Variants in BABAM2 observed in about 807,000 individuals in gnomAD.
BABAM2 encodes BRISC and BRCA1-A complex member 2.
BABAM2 carries 31 observed loss-of-function variants against 54.7 expected under a neutral mutation model. The ratio of observed to expected loss-of-function variants is 0.57; its 90% confidence interval spans 0.43 to 0.77. BABAM2 has a LOEUF of 0.77. BABAM2 is among the 30% of genes least tolerant of loss of function. The probability of loss-of-function intolerance (pLI) is 0.00; values close to 1 mark genes in which losing one functional copy is unlikely to be tolerated. For synonymous variants in BABAM2, 167 were observed against 162.9 expected, an observed-to-expected ratio of 1.03 and a Z score of -0.19; for missense variants, 364 against 455.8, an observed-to-expected ratio of 0.80 and a Z score of 1.83.
Position 28,221,769 on chromosome 2 carries a change from C to T in BABAM2, c.681-15433C>T, listed in dbSNP as rs185360039. ...TCTCCAGTGTTTGTCTTCAGTCCTT[C>T]GCCTGCCTAGGAGGCAGAAGTCACT... On this transcript the variant is annotated intron_variant, in intron 7 of 11. Coordinates refer to ENST00000379624, the MANE Select transcript of BABAM2 (RefSeq NM_199191.3). Among the ~76,000 whole-genome samples the T allele has an allele frequency of 4.4e-3, 667 of 152,302 alleles. 2 individuals carry two copies. Among genetic ancestry groups the T allele is most frequent in the South Asian group, 0.01 (50 of 4,820 alleles).
At chr2:28,170,321 A>G (rs963860535) in intron 7 of BABAM2, among the ~76,000 whole-genome samples, 16 of 151,992 alleles carry the variant, frequency 1.1e-4, no homozygotes, top group African/African-American at 3.9e-4. Context: ...GTGATTATGT[A>G]TTGTTTTAAT....
chr2:27,928,939 T>G (rs1480520105), intron 2 of BABAM2, among the ~76,000 whole-genome samples: 4 of 145,780 alleles, frequency 2.7e-5, no homozygotes, highest in Admixed American at 6.9e-5. Flanking sequence ...CCAGGCCAGG[T>G]GCAGTGGCTC....
intron 3 of BABAM2, among the ~76,000 whole-genome samples, chr2:27,932,660 A>G (rs1463783936): frequency 6.6e-6 from 1 of 152,116 alleles, no homozygotes; most frequent in Non-Finnish European, 1.5e-5. Flanking sequence ...TGTCATTTTC[A>G]GGGGGTACGT....
rs1273149695 is a variant in BABAM2, at chr2:27,893,983, ACT to A, written c.-24-547_-24-546del. 1.3e-3 allele frequency among the ~76,000 whole-genome samples: 183 copies of A among 139,108 alleles called. 1 individual carries two copies. Among genetic ancestry groups the A allele is most frequent in the African/African-American group, 4.6e-3 (163 of 35,530 alleles). The allele number at this position is 139,108 out of a possible 152,430, so 91.3% of individuals were successfully genotyped here. A position where few individuals can be genotyped will look rare whatever the true frequency, so the allele number is the denominator to read the frequency against. ...CACTCCAGCCTGGCAACAGAGTGAGACTCTGTCGCAAAAAAAAAAGAAAAAAA... is the reference window on the plus strand; with the variant it reads ...CACTCCAGCCTGGCAACAGAGTGAGACTGTCGCAAAAAAAAAAGAAAAAAA... On this transcript the variant is annotated intron_variant, in intron 1 of 11. Coordinates refer to ENST00000379624, the MANE Select transcript of BABAM2 (RefSeq NM_199191.3).
At chr2:28,267,424 G>GACACAC (rs1050541833) in intron 10 of BABAM2, among the ~76,000 whole-genome samples, 8 of 146,686 alleles carry the variant, frequency 5.5e-5, no homozygotes, top group African/African-American at 1.8e-4. Context: ...ACACTGACTA[G>GACACAC]ACACACACAC....
intron 6 of BABAM2, among the ~76,000 whole-genome samples, chr2:28,080,743 A>G (rs1216696930): frequency 6.6e-6 from 1 of 152,216 alleles, no homozygotes; most frequent in African/African-American, 2.4e-5. Flanking sequence ...TTAAGTAGCC[A>G]TCTGCAAGCA....
intron 10 of BABAM2, among the ~76,000 whole-genome samples, chr2:28,263,149 AAGAAAAG>A (rs1684683657): frequency 9.3e-5 from 9 of 96,534 alleles, no homozygotes; most frequent in African/African-American, 4.3e-4. Flanking sequence ...AAAAAAAAAG[AAGAAAAG>A]AAAGGAAGGA....
intron 5 of BABAM2, among the ~76,000 whole-genome samples, chr2:28,037,382 A>G (rs1676745743): frequency 6.6e-6 from 1 of 152,166 alleles, no homozygotes; most frequent in Admixed American, 6.5e-5. Context: ...GTATAAACAT[A>G]TATAGAACTC....
intron 6 of BABAM2, among the ~76,000 whole-genome samples, chr2:28,108,083 TTTTG>T (rs745547537): frequency 3.3e-5 from 5 of 152,014 alleles, no homozygotes; most frequent in Non-Finnish European, 5.9e-5. Flanking sequence ...TTAAACATAG[TTTTG>T]TTTGTTTTTA....
chr2:27,974,637 A>G (rs973095362), intron 3 of BABAM2, among the ~76,000 whole-genome samples: 2 of 152,164 alleles, frequency 1.3e-5, no homozygotes, highest in African/African-American at 4.8e-5. Flanking sequence ...CCCAGAACCT[A>G]CAGCTTAATA....
intron 4 of BABAM2, among the ~76,000 whole-genome samples, chr2:27,991,947 G>A (rs1226568439): frequency 6.6e-6 from 1 of 152,176 alleles, no homozygotes; most frequent in Non-Finnish European, 1.5e-5. Flanking sequence ...GTTTTCAAAA[G>A]TGGCTGTGGC....
At chr2:28,107,204 A>G (rs72854468) in intron 6 of BABAM2, among the ~76,000 whole-genome samples, 13,883 of 151,938 alleles carry the variant, frequency 0.091, 729 homozygotes, top group East Asian at 0.15. Flanking sequence ...TTGCTTCTCT[A>G]TGTGAACATC....
At position 28,128,231 on chromosome 2, in the gene BABAM2, C is replaced by T. The variant is rs182205981; in HGVS notation, c.571-1040C>T. ...AATATAGGTCCGTTCTTACCAGTCT[C>T]TATGAGTGAAAGATGTTAAGTGTTT... On this transcript the variant is annotated intron_variant, in intron 6 of 11. Transcript: ENST00000379624. 7.9e-5 allele frequency among the ~76,000 whole-genome samples: 12 copies of T among 152,280 alleles called. No homozygotes were observed. In the East Asian group the frequency reaches 2.3e-3, roughly 29 times the overall value.
At position 28,164,131 on chromosome 2, in the gene BABAM2, C is replaced by T. The variant is rs554614499; in HGVS notation, c.680+34751C>T. The stretch of plus-strand genomic sequence containing the variant: ...ATAGGGATGGAAAGACAGTGCTAAT[C>T]CCCATAAACGTGTGGTGTCTGGTCA... On this transcript the variant is annotated intron_variant, in intron 7 of 11. Transcript: ENST00000379624. 1.5e-4 allele frequency among the ~76,000 whole-genome samples: 23 copies of T among 152,338 alleles called. 1 individual carries two copies. In the South Asian group the frequency reaches 4.8e-3, roughly 32 times the overall value.
At chr2:27,957,449 A>T (rs1187906412) in intron 3 of BABAM2, among the ~76,000 whole-genome samples, 1 of 152,086 alleles carries the variant, frequency 6.6e-6, no homozygotes, top group Admixed American at 6.5e-5. Context: ...ACTTTTCAAC[A>T]CTATCTGCTA....
intron 10 of BABAM2, among the ~76,000 whole-genome samples, chr2:28,297,596 A>G (rs893182140): frequency 1.3e-5 from 2 of 152,248 alleles, no homozygotes; most frequent in Admixed American, 6.5e-5. Context: ...AAGGATTGGA[A>G]TTAGCCTGTA....
chr2:28,229,189 A>T (rs1681151491), intron 7 of BABAM2, among the ~76,000 whole-genome samples: 1 of 152,232 alleles, frequency 6.6e-6, no homozygotes. Flanking sequence ...ATAAGGACAT[A>T]GAAGTCACAA....
intron 2 of BABAM2, among the ~76,000 whole-genome samples, chr2:27,910,882 T>A (rs573760557): frequency 1.8e-4 from 27 of 152,148 alleles, no homozygotes; most frequent in African/African-American, 6.5e-4. Context: ...TCCACCCAAA[T>A]CTCTTCTTGA....
upstream of BABAM2, among the ~76,000 whole-genome samples, chr2:27,889,097 A>G (rs1055822567): frequency 2.6e-5 from 4 of 152,222 alleles, no homozygotes; most frequent in Admixed American, 6.5e-5. Flanking sequence ...GTCAGTCACT[A>G]TAACTGCCTC....
Sources: allele counts gnomAD v4.1 joint callset (sites outside exome capture counted in the v4.1 genomes callset), GRCh38; gene constraint gnomAD v4.1.1; transcripts MANE v1.5; gene names NCBI Gene and HGNC (gene_info 2026-07-23, HGNC 2026-07-21).